The following SERPINB8 variants were observed in gnomAD, a reference collection of about 807,000 sequenced individuals.
SERPINB8 encodes serpin family B member 8.
A neutral mutation model predicts 35.3 loss-of-function variants in SERPINB8; 25 were observed. The observed-to-expected ratio is 0.71, with a 90% CI of 0.52 to 0.99. The LOEUF (loss-of-function observed/expected upper bound fraction) is 0.99, where lower values mean the gene tolerates loss of function less well. SERPINB8 is among the 50% of genes least tolerant of loss of function. SERPINB8 has a pLI of 0.00. For synonymous variants in SERPINB8, 186 were observed against 160.8 expected, an observed-to-expected ratio of 1.16 and a Z score of -1.19; for missense variants, 484 against 446.5, an observed-to-expected ratio of 1.08 and a Z score of -0.76.
intron 6 of SERPINB8, chr18:63,986,587 A>G: frequency 7.6e-7 from 1 of 1,312,828 alleles, no homozygotes; most frequent in Non-Finnish European, 9.6e-7. Flanking sequence ...AACTGTTAAA[A>G]AATGTTTTTA....
At chr18:64,008,870 C>T (rs866769792), downstream of SERPINB8, among the ~76,000 whole-genome samples, 5 of 152,214 alleles carry the variant, frequency 3.3e-5, no homozygotes, top group East Asian at 7.7e-4. Flanking sequence ...GGTGAATTAA[C>T]GAACCCTCTC....
chr18:63,982,616 T>C (rs1236385752), intron 4 of SERPINB8, among the ~76,000 whole-genome samples: 1 of 152,166 alleles, frequency 6.6e-6, no homozygotes, highest in Non-Finnish European at 1.5e-5. Context: ...TGAAAGCCAA[T>C]ACAATAATTA....
At position 63,986,656 on chromosome 18, in the gene SERPINB8, T is replaced by A. The variant is rs1216050137; in HGVS notation, c.721-218T>A. 3.0e-6 allele frequency: 4 copies of A among 1,342,590 alleles called. No individual in the cohort carries two copies. In the African/African-American group the frequency reaches 4.5e-5, roughly 15 times the overall value. 83.2% of individuals were successfully genotyped at this position (1,342,590 alleles called of 1,614,324 possible). A position where few individuals can be genotyped will look rare whatever the true frequency, so the allele number is the denominator to read the frequency against. On this transcript the variant is annotated intron_variant, in intron 6 of 6. Coordinates refer to ENST00000397985, the MANE Select transcript of SERPINB8 (RefSeq NM_002640.4). ...ATTAAAAATTTCTGCCTGTCTCAGG[T>A]GTTTACTAGCTCTTTTACACTTGTC...
rs542073384 is a variant in SERPINB8, at chr18:63,986,447, A to G, written c.721-427A>G. 8.4e-4 allele frequency: 1,188 copies of G among 1,420,786 alleles called. 9 individuals carry two copies. The Middle Eastern group carries it at 0.013, about 16-fold the overall frequency. 88.0% of individuals were successfully genotyped at this position (1,420,786 alleles called of 1,614,324 possible). The stretch of plus-strand genomic sequence containing the variant: ...GAGTTGCCCTCTGATTTAACCCTGA[A>G]TAGTCCCCTCATTAGACTCAGAAGC... On this transcript the variant is annotated intron_variant, in intron 6 of 6. Coordinates refer to ENST00000397985, the MANE Select transcript of SERPINB8 (RefSeq NM_002640.4).
intron 7 of SERPINB8, among the ~76,000 whole-genome samples, chr18:64,014,228 C>T (rs1352101680): frequency 6.6e-6 from 1 of 152,084 alleles, no homozygotes; most frequent in Non-Finnish European, 1.5e-5. Flanking sequence ...ATCATAGGTT[C>T]TCATGTTGGA....
chr18:63,982,378 C>T (rs1455768086), intron 4 of SERPINB8, among the ~76,000 whole-genome samples: 1 of 152,190 alleles, frequency 6.6e-6, no homozygotes, highest in Non-Finnish European at 1.5e-5. Context: ...GCCCAGACCA[C>T]ATTCCATCCC....
intron 1 of SERPINB8, among the ~76,000 whole-genome samples, chr18:63,977,285 G>A (rs1018068717): frequency 6.6e-6 from 1 of 151,882 alleles, no homozygotes; most frequent in African/African-American, 2.4e-5. Flanking sequence ...TGTGTTATTG[G>A]GTGATAATGG....
chr18:63,982,011 A>G (rs555455652), intron 4 of SERPINB8, among the ~76,000 whole-genome samples, 173 bp downstream of exon 4: 2 of 152,306 alleles, frequency 1.3e-5, no homozygotes, highest in African/African-American at 4.8e-5. Flanking sequence ...TTATCAGATC[A>G]TGAAGTACTG....
downstream of SERPINB8, among the ~76,000 whole-genome samples, chr18:63,990,053 G>A (rs1054109085): frequency 3.6e-5 from 5 of 137,738 alleles, no homozygotes; most frequent in African/African-American, 1.3e-4. Context: ...ATTGCTTCTT[G>A]CTTTATTTTG....
intron 5 of SERPINB8, 132 bp downstream of exon 5, chr18:63,983,853 T>C: frequency 4.6e-6 from 3 of 650,092 alleles, no homozygotes; most frequent in Non-Finnish European, 7.2e-6. Context: ...ATTATATTAT[T>C]TTATTTTCTT....
In SERPINB8 at chr18:63,978,364, T is replaced by C; in HGVS notation, c.56T>C (p.Leu19Ser). 1.2e-6 allele frequency: 2 copies of C among 1,614,176 alleles called. No individual in the cohort carries two copies. ...GTFAISLFKI[L>S]GEEDNSRNVF... ...TTTGCCATCAGCTTATTTAAAATAT[T>C]GGGGGAAGAGGACAACTCAAGAAAC... The change falls in exon 2 of 7, where the codon TTG becomes TCG. Residue 19 changes from leucine to serine, a missense_variant. By Grantham distance (145) the Leu-to-Ser change is moderately radical (BLOSUM62 -2). Transcript: ENST00000397985.
intron 6 of SERPINB8, 24 bp from the exon 7 acceptor site, chr18:63,986,850 A>G (rs769379118): frequency 2.5e-6 from 4 of 1,570,616 alleles, no homozygotes; most frequent in Admixed American, 1.9e-5. Flanking sequence ...CTAAATTTTA[A>G]GGTTTGAGTC....
At chr18:63,974,527 C>G (rs2050550461) in intron 1 of SERPINB8, among the ~76,000 whole-genome samples, 1 of 152,060 alleles carries the variant, frequency 6.6e-6, no homozygotes, top group South Asian at 2.1e-4. Context: ...TTGCCTCTGT[C>G]TTTGTTTGTT....
chr18:64,018,712 G>C (rs187651273), intron 7 of SERPINB8, among the ~76,000 whole-genome samples: 149 of 152,162 alleles, frequency 9.8e-4, no homozygotes, highest in African/African-American at 3.3e-3. Context: ...AGGGAATACA[G>C]GGAAAACATC....
downstream of SERPINB8, among the ~76,000 whole-genome samples, chr18:64,007,580 C>A (rs918421642): frequency 6.6e-6 from 1 of 152,182 alleles, no homozygotes; most frequent in South Asian, 2.1e-4. Flanking sequence ...TTAATTGGCT[C>A]ATGGTTCTAC....
rs1210903159 is a variant in SERPINB8, at chr18:63,987,704, T to C, written c.*426T>C. The C allele has an allele frequency of 1.2e-5, 2 of 160,936 alleles. No homozygotes were observed. The highest frequency in any genetic ancestry group is 1.2e-4 in the Admixed American group (2 of 16,290). The allele number at this position is 160,936 out of a possible 1,614,324, so 10.0% of individuals were successfully genotyped here. The stretch of plus-strand genomic sequence containing the variant: ...AAGGGCAAACCCTATAGAGTAAAGC[T>C]GCAGCCACCCTGTGTCTCATGTGCA... On this transcript the variant is annotated 3_prime_UTR_variant, in exon 7 of 7. Transcript: ENST00000397985.
intron 1 of SERPINB8, among the ~76,000 whole-genome samples, chr18:63,997,886 A>T (rs540488581): frequency 6.6e-6 from 1 of 152,364 alleles, no homozygotes; most frequent in South Asian, 2.1e-4. Context: ...CAATCAAGGC[A>T]ATGAGCAGAC....
intron 1 of SERPINB8, among the ~76,000 whole-genome samples, chr18:64,001,969 G>A (rs1185713729): frequency 6.6e-6 from 1 of 152,174 alleles, no homozygotes; most frequent in African/African-American, 2.4e-5. Flanking sequence ...TGTCCTGGAC[G>A]TGAAATGCTT....
intron 1 of SERPINB8, among the ~76,000 whole-genome samples, chr18:63,997,937 C>T (rs1161493634): frequency 1.3e-5 from 2 of 152,164 alleles, no homozygotes; most frequent in Non-Finnish European, 2.9e-5. Flanking sequence ...TTGTCATCTG[C>T]CCCAGAGATA....
Sources: gnomAD v4.1 joint callset for allele counts (sites outside exome capture counted in the v4.1 genomes callset) on GRCh38, gnomAD v4.1.1 for gene constraint, MANE v1.5 for transcripts, NCBI Gene and HGNC (gene_info 2026-07-23, HGNC 2026-07-21) for gene names.